Variants in PKLR observed in about 807,000 individuals in gnomAD.
PKLR encodes the protein pyruvate kinase PKLR.
In PKLR, 38 loss-of-function variants were observed where a neutral mutation model predicts 53.6. That is an observed-to-expected ratio of 0.71 (90% CI 0.55 to 0.93). The LOEUF (loss-of-function observed/expected upper bound fraction) is 0.93. Among genes scored for constraint, PKLR ranks in the 40% least tolerant of loss-of-function variants. PKLR has a pLI of 0.00. For synonymous variants in PKLR, 328 were observed against 316.2 expected, an observed-to-expected ratio of 1.04 and a Z score of -0.39; for missense variants, 702 against 787.3, an observed-to-expected ratio of 0.89 and a Z score of 1.30.
intron 2 of PKLR, among the ~76,000 whole-genome samples, chr1:155,297,954 G>T (rs1647688061): frequency 6.6e-6 from 1 of 152,008 alleles, no homozygotes; most frequent in African/African-American, 2.4e-5. Context: ...CCCTATTTAG[G>T]GCTGCAACCT....
At chr1:155,300,064 C>T (rs1647896895) in intron 2 of PKLR, 34 bp downstream of exon 2, 3 of 1,591,028 alleles carry the variant, frequency 1.9e-6, no homozygotes, top group South Asian at 1.1e-5. Context: ...TACCAATAGG[C>T]CCTGTGTGGC....
rs1322467819 is a variant in PKLR, at chr1:155,291,743, C to A, written c.1618+13G>T. 2.0e-5 allele frequency: 32 copies of A among 1,612,778 alleles called. No homozygotes were observed. Among genetic ancestry groups the A allele is most frequent in the Non-Finnish European group, 2.6e-5 (31 of 1,178,964 alleles). ...AAATGGTAGGAGTGGCAGGGAAGGT[C>A]TAGGTAGCTCACCACTTTCAATGCC... is the stretch of plus-strand genomic sequence containing the variant. On this transcript the variant is annotated intron_variant, in intron 10 of 10. Transcript: ENST00000342741.
upstream of PKLR, among the ~76,000 whole-genome samples, chr1:155,301,585 T>A (rs1572064983): frequency 1.3e-5 from 2 of 152,150 alleles, no homozygotes; most frequent in Admixed American, 6.6e-5. Context: ...CCTCTCATCC[T>A]TTTTTCCTGA....
intron 1 of PKLR, 40 bp from the exon 2 acceptor site, chr1:155,300,320 C>A: frequency 1.3e-6 from 2 of 1,518,296 alleles, no homozygotes; most frequent in Non-Finnish European, 1.8e-6. Context: ...TGTCACCTGC[C>A]CTTCCTCCCC....
At position 155,300,259 on chromosome 1, in the gene PKLR, C is replaced by A. The variant is rs374805791; in HGVS notation, c.122G>T (p.Arg41Leu). 1.2e-6 allele frequency: 2 copies of A among 1,600,686 alleles called. No individual in the cohort carries two copies. Among genetic ancestry groups the A allele is most frequent in the Non-Finnish European group, 8.5e-7 (1 of 1,174,124 alleles). Residue 41 changes from arginine to leucine, a missense_variant, in exon 2 of 11, where the codon CGG (arginine) becomes CTG (leucine). Arg to Leu is a moderately radical substitution (Grantham distance 102). Around this residue, in one of 2 missense-constraint regions of PKLR, gnomAD observed 519 missense variants for 537.1 expected, o/e 0.97. Transcript: ENST00000342741. ...CTGGGTCAGTTGGGCCACACTGGCC[C>A]GCCGCAGATACCCCGCTGGCCCTGT... Reference protein sequence around the residue: ...APGGPAGYLRRASVAQLTQEL... With the variant: ...APGGPAGYLRLASVAQLTQEL...
intron 2 of PKLR, among the ~76,000 whole-genome samples, chr1:155,296,382 G>A (rs993350545): frequency 6.6e-6 from 1 of 150,734 alleles, no homozygotes; most frequent in Non-Finnish European, 1.5e-5. Flanking sequence ...CACTCTTGTC[G>A]CCCAGGCTGG....
At chr1:155,306,993 C>T in the PKLR span, among the ~76,000 whole-genome samples, 1 of 152,192 alleles carries the variant, frequency 6.6e-6, no homozygotes, top group Admixed American at 6.5e-5. The surrounding 1 kb of genome is among the most constrained non-coding windows in gnomAD (Gnocchi z 4.2). Context: ...CGGTTCACCA[C>T]AACCTCTGCC....
upstream of PKLR, among the ~76,000 whole-genome samples, chr1:155,305,487 C>A (rs1480255632): frequency 6.6e-6 from 1 of 152,130 alleles, no homozygotes; most frequent in Admixed American, 6.6e-5. Context: ...GAGCATGGGG[C>A]CTCATCTTTC....
chr1:155,306,620 T>A, the PKLR span, among the ~76,000 whole-genome samples: 1 of 151,782 alleles, frequency 6.6e-6, no homozygotes. This position sits in a 1 kb window ranked among gnomAD's most constrained non-coding sequence, Gnocchi z 4.2. Flanking sequence ...CACGTAAACA[T>A]ACACAAAGCT....
upstream of PKLR, among the ~76,000 whole-genome samples, chr1:155,305,314 G>A (rs1648204403): frequency 6.6e-6 from 1 of 152,180 alleles, no homozygotes; most frequent in Non-Finnish European, 1.5e-5. Context: ...GAGTGGAGCT[G>A]GGATTCAGGC....
rs755610815 is a variant in PKLR at position 155,294,682 on chromosome 1, T to C, written c.765A>G (p.Pro255=). 1.9e-6 allele frequency: 3 copies of C among 1,613,920 alleles called. No individual in the cohort carries two copies. In the African/African-American group the frequency reaches 4.0e-5, roughly 22 times the overall value. The change falls in exon 6 of 11, where the codon CCA becomes CCG. Residue 255 remains proline (P), a synonymous_variant. Transcript: ENST00000342741. ...GCCCGGGCAAGTCCACCTGGGCCCC[T>C]GGCAAGTTCACGCCCTTCCGGCTGC... ...VLGSRKGVNL[P]GAQVDLPGLS... is the part of the protein sequence containing the mutation.
At position 155,297,083 on chromosome 1, in the gene PKLR, C is replaced by T. The variant is rs371176071; in HGVS notation, c.284-1327G>A. 4.2e-4 allele frequency among the ~76,000 whole-genome samples: 64 copies of T among 152,294 alleles called. 1 individual carries two copies. In the South Asian group the frequency reaches 8.7e-3, roughly 21 times the overall value. ...CTTTCCCAGTCTCCTTTCCTTGTTC[C>T]TCCCCTTAACGTTAGATACCCTGTT... On this transcript the variant is annotated intron_variant, in intron 2 of 10. Transcript: ENST00000342741.
intron 2 of PKLR, among the ~76,000 whole-genome samples, chr1:155,297,086 C>T (rs1438413860): frequency 6.6e-6 from 1 of 152,160 alleles, no homozygotes; most frequent in African/African-American, 2.4e-5. Flanking sequence ...CTTGTTCCTC[C>T]CCTTAACGTT....
At chr1:155,304,101 T>C (rs1236683430), upstream of PKLR, among the ~76,000 whole-genome samples, 1 of 152,062 alleles carries the variant, frequency 6.6e-6, no homozygotes, top group Non-Finnish European at 1.5e-5. Flanking sequence ...ATGGACATGA[T>C]CCAACTGATG....
chr1:155,301,265 A>G (rs372176832), intron 1 of PKLR, 31 bp downstream of exon 1: 266 of 1,612,102 alleles, frequency 1.7e-4, no homozygotes, highest in Non-Finnish European at 2.1e-4. Context: ...TTTTCCTCCT[A>G]TGTTCCATGG....
chr1:155,294,491 C>T lies in PKLR; in HGVS notation c.956G>A (p.Gly319Asp), dbSNP rs763006858. 3 of 1,614,244 alleles carry T rather than the reference C, an allele frequency of 1.9e-6. No homozygotes were observed. In the Admixed American group the frequency reaches 5.0e-5, roughly 27 times the overall value. Reference sequence around the variant, plus strand: ...AGAGCCCAAGCCTCACCTCTTCACGCCTTCGTGGTTCTCAATTTTGCTGAT... The same window carrying T: ...AGAGCCCAAGCCTCACCTCTTCACGTCTTCGTGGTTCTCAATTTTGCTGAT... ...KIISKIENHE[G>D]VKRFDEILEV... The change falls in exon 6 of 11, where the codon GGC becomes GAC. Residue 319 changes from glycine to aspartate, a missense_variant. Physicochemically the swap from Gly to Asp is moderately conservative, Grantham distance 94. This residue lies in a region of PKLR where 519 missense variants were observed against 537.1 expected (regional missense o/e 0.97). Coordinates refer to ENST00000342741, the MANE Select transcript of PKLR (RefSeq NM_000298.6).
chr1:155,300,459 A>G (rs1018060472), intron 1 of PKLR, among the ~76,000 whole-genome samples, 179 bp from the exon 2 acceptor site: 5 of 152,186 alleles, frequency 3.3e-5, no homozygotes, highest in Admixed American at 2.0e-4. Flanking sequence ...TAATTATCCA[A>G]TTTTATGGAT....
rs148435198 is a variant in PKLR, at chr1:155,294,558, C to T, written c.889G>A (p.Val297Ile). The T allele has an allele frequency of 1.9e-6, 3 of 1,614,242 alleles. No individual in the cohort carries two copies. The highest frequency in any genetic ancestry group is 1.3e-5 in the African/African-American group (1 of 75,070). Residue 297 changes from valine to isoleucine, a missense_variant, in exon 6 of 11, where the codon GTC becomes ATC. Physicochemically the swap from Val to Ile is conservative, Grantham distance 29 (BLOSUM62 3). Transcript: ENST00000342741. ...CCTTCCGGACCCAGAGCAGCCCTGA[C>T]GGCAGCCACGTCGCTGGCTTTCCGC... Reference protein sequence around the residue: ...FVRKASDVAAVRAALGPEGHG... With the variant: ...FVRKASDVAAIRAALGPEGHG...
intron 7 of PKLR, 77 bp downstream of exon 7, chr1:155,294,157 AC>A: frequency 6.8e-7 from 1 of 1,480,980 alleles, no homozygotes; most frequent in East Asian, 2.3e-5. Context: ...AACAAAATAA[AC>A]CCCTACAGTG....
Sources: allele counts gnomAD v4.1 joint callset (sites outside exome capture counted in the v4.1 genomes callset), GRCh38; gene constraint gnomAD v4.1.1; regional missense constraint gnomAD v4.1.1; non-coding constraint Gnocchi (gnomAD v3.1); transcripts MANE v1.5; gene names NCBI Gene and HGNC (gene_info 2026-07-23, HGNC 2026-07-21).